The following HCRTR2 variants were observed in gnomAD, a reference collection of about 807,000 sequenced individuals.
HCRTR2 encodes the protein hypocretin receptor 2.
HCRTR2 carries 22 observed loss-of-function variants against 49.0 expected under a neutral mutation model. The ratio of observed to expected loss-of-function variants is 0.45; its 90% CI spans 0.32 to 0.64. HCRTR2 has a LOEUF of 0.64. HCRTR2 is among the 30% of genes least tolerant of loss of function. The probability of loss-of-function intolerance (pLI) is 0.04; values close to 1 mark genes in which losing one functional copy is unlikely to be tolerated. For synonymous variants in HCRTR2, 236 were observed against 205.3 expected (o/e 1.15, Z -1.28); for missense variants, 491 against 559.4 (o/e 0.88, Z 1.23).
intron 1 of HCRTR2, among the ~76,000 whole-genome samples, chr6:55,157,302 G>T (rs746998111): frequency 4.5e-4 from 68 of 152,164 alleles, no homozygotes; most frequent in Non-Finnish European, 8.7e-4. Flanking sequence ...AAAATCTTAG[G>T]AAGGAATTTA....
chr6:55,129,185 G>T (rs1269857916), intron 1 of HCRTR2, among the ~76,000 whole-genome samples: 1 of 152,048 alleles, frequency 6.6e-6, no homozygotes, highest in African/African-American at 2.4e-5. Flanking sequence ...ACATGCTGAT[G>T]ACTCATAAAT....
At chr6:55,122,318 A>G (rs1561978192) in intron 1 of HCRTR2, among the ~76,000 whole-genome samples, 1 of 151,980 alleles carries the variant, frequency 6.6e-6, no homozygotes, top group East Asian at 1.9e-4. Context: ...TATCCCCTTT[A>G]TCATTTTTTA....
At chr6:55,144,934 C>G (rs1391070915) in intron 1 of HCRTR2, among the ~76,000 whole-genome samples, 2 of 152,094 alleles carry the variant, frequency 1.3e-5, no homozygotes, top group African/African-American at 2.4e-5. Flanking sequence ...TTAAACTCGC[C>G]CGTGTTCTCC....
intron 4 of HCRTR2, among the ~76,000 whole-genome samples, chr6:55,273,266 A>G (rs1261354359): frequency 6.6e-6 from 1 of 151,996 alleles, no homozygotes; most frequent in Non-Finnish European, 1.5e-5. Flanking sequence ...TGTTTCATAG[A>G]AGACCGCCAG....
chr6:55,281,962 A>T (rs1767199013), intron 6 of HCRTR2, among the ~76,000 whole-genome samples: 1 of 152,162 alleles, frequency 6.6e-6, no homozygotes. Context: ...TAAATATATG[A>T]GGTTTGACTA....
chr6:55,206,105 A>G (rs1765596642), intron 1 of HCRTR2, among the ~76,000 whole-genome samples: 1 of 152,110 alleles, frequency 6.6e-6, no homozygotes. Flanking sequence ...ATATTTAATC[A>G]GACTTTGAGA....
chr6:55,120,884 A>C (rs1322250164), intron 1 of HCRTR2, among the ~76,000 whole-genome samples: 1 of 151,898 alleles, frequency 6.6e-6, no homozygotes, highest in Non-Finnish European at 1.5e-5. Context: ...GTAGCCTTGT[A>C]GTATAGTTTG....
At chr6:55,142,072 GTAAAT>G (rs1234828038) in intron 1 of HCRTR2, among the ~76,000 whole-genome samples, 1 of 152,020 alleles carries the variant, frequency 6.6e-6, no homozygotes, top group Non-Finnish European at 1.5e-5. Flanking sequence ...CCAACATAAA[GTAAAT>G]TAAATAGTAA....
At chr6:55,272,901 A>G (rs1767001278) in intron 4 of HCRTR2, among the ~76,000 whole-genome samples, 2 of 150,202 alleles carry the variant, frequency 1.3e-5, no homozygotes, top group South Asian at 4.2e-4. Context: ...TGAAAGAATA[A>G]TGTTGCGAGA....
At chr6:55,153,518 A>G (rs1764689762) in intron 1 of HCRTR2, among the ~76,000 whole-genome samples, 1 of 152,118 alleles carries the variant, frequency 6.6e-6, no homozygotes, top group South Asian at 2.1e-4. Flanking sequence ...TCATGGAACC[A>G]TCATCATTTA....
intron 2 of HCRTR2, among the ~76,000 whole-genome samples, chr6:55,254,175 G>A (rs1176883785): frequency 6.6e-6 from 1 of 151,658 alleles, no homozygotes; most frequent in East Asian, 1.9e-4. Flanking sequence ...TGATAAATAA[G>A]CAAATTAAGC....
chr6:55,145,570 C>T (rs553839854), intron 1 of HCRTR2, among the ~76,000 whole-genome samples: 1 of 152,144 alleles, frequency 6.6e-6, no homozygotes, highest in African/African-American at 2.4e-5. Context: ...GCCACCGTGC[C>T]TGGCTAATTT....
intron 1 of HCRTR2, among the ~76,000 whole-genome samples, chr6:55,245,968 T>C (rs1446994821): frequency 2.6e-5 from 4 of 152,080 alleles, no homozygotes; most frequent in Non-Finnish European, 5.9e-5. Flanking sequence ...GGTGGGCCTT[T>C]AATCCAATAT....
At chr6:55,230,622 T>C (rs1010186790) in intron 1 of HCRTR2, among the ~76,000 whole-genome samples, 8 of 152,216 alleles carry the variant, frequency 5.3e-5, no homozygotes, top group African/African-American at 1.9e-4. Flanking sequence ...CATTTAATAC[T>C]GATAAACAGA....
chr6:55,284,417 C>A (rs1461155821), downstream of HCRTR2, among the ~76,000 whole-genome samples: 1 of 152,148 alleles, frequency 6.6e-6, no homozygotes, highest in African/African-American at 2.4e-5. Context: ...CCTACTTAAC[C>A]AGAAACTTTA....
intron 1 of HCRTR2, among the ~76,000 whole-genome samples, chr6:55,141,338 T>A (rs1764505019): frequency 6.6e-6 from 1 of 151,904 alleles, no homozygotes; most frequent in Non-Finnish European, 1.5e-5. Context: ...AGCAAGACTC[T>A]ATCTCAAAAG....
chr6:55,241,035 CA>C (rs1311135905), intron 1 of HCRTR2, among the ~76,000 whole-genome samples: 10 of 151,322 alleles, frequency 6.6e-5, no homozygotes, highest in Admixed American at 5.3e-4. Flanking sequence ...AGGTTAGTTA[CA>C]TATGTATACA....
At chr6:55,152,248 G>GT (rs1394133813) in intron 1 of HCRTR2, among the ~76,000 whole-genome samples, 1 of 151,626 alleles carries the variant, frequency 6.6e-6, no homozygotes, top group Admixed American at 6.6e-5. Flanking sequence ...TATCTTTTGT[G>GT]TTTTTTTAAT....
chr6:55,231,512 AT>A (rs113402629), intron 1 of HCRTR2, among the ~76,000 whole-genome samples: 9 of 151,148 alleles, frequency 6.0e-5, no homozygotes, highest in Non-Finnish European at 1.2e-4. Flanking sequence ...AAGTACTTGC[AT>A]TTTTTTTTAG....
Sources: gnomAD v4.1 joint callset for allele counts (sites outside exome capture counted in the v4.1 genomes callset) on GRCh38, gnomAD v4.1.1 for gene constraint, MANE v1.5 for transcripts, NCBI Gene and HGNC (gene_info 2026-07-23, HGNC 2026-07-21) for gene names.